MSH4: variants seen among roughly 807,000 people sequenced by gnomAD.
MSH4 encodes mutS homolog 4, also known as mutS protein homolog 4.
MSH4 carries 106 observed loss-of-function variants against 113.7 expected under a neutral mutation model. That is an observed-to-expected ratio of 0.93 (90% CI 0.80 to 1.10). MSH4 has a LOEUF of 1.10. Ranked by LOEUF, MSH4 falls within the 50% of genes least tolerant of loss-of-function variation. The pLI, the probability that MSH4 is intolerant of heterozygous loss-of-function variation, is 0.00. For synonymous variants in MSH4, 368 were observed against 380.2 expected (o/e 0.97, Z 0.37); for missense variants, 1,061 against 1,093.7 (o/e 0.97, Z 0.42).
intron 13 of MSH4, among the ~76,000 whole-genome samples, chr1:75,880,976 A>G (rs1651919471): frequency 2.0e-5 from 3 of 151,980 alleles, no homozygotes; most frequent in South Asian, 4.1e-4. Flanking sequence ...TTATTTTATT[A>G]ATATCATATA....
chr1:75,836,474 T>G (rs1161109709), intron 7 of MSH4, among the ~76,000 whole-genome samples: 1 of 151,990 alleles, frequency 6.6e-6, no homozygotes, highest in South Asian at 2.1e-4. Context: ...AATTTTTATG[T>G]TTTTGGTAGA....
intron 7 of MSH4, among the ~76,000 whole-genome samples, chr1:75,841,964 T>C (rs1650968570): frequency 6.6e-6 from 1 of 152,196 alleles, no homozygotes; most frequent in South Asian, 2.1e-4. Context: ...GAGCCAAATA[T>C]GAGTGACCAT....
rs1233642197 is a variant in MSH4 at position 75,840,538 on chromosome 1, G to A, written c.1163-7671G>A. ...TTGTTGTGGGGTGGGGGAGGGGGGAGGGATAGCTTTAGGAGATATACCTAA... is the reference window on the plus strand; with the variant it reads ...TTGTTGTGGGGTGGGGGAGGGGGGAAGGATAGCTTTAGGAGATATACCTAA... On this transcript the variant is annotated intron_variant, in intron 7 of 19. Coordinates refer to ENST00000263187, the MANE Select transcript of MSH4 (RefSeq NM_002440.4). Among the ~76,000 whole-genome samples, 20 of 112,850 alleles carry A rather than the reference G, an allele frequency of 1.8e-4. No homozygotes were observed. The Admixed American group carries it at 2.1e-3, about 12-fold the overall frequency. 74.0% of individuals were successfully genotyped at this position (112,850 alleles called of 152,430 possible).
chr1:75,895,171 A>G (rs760782403), intron 17 of MSH4, among the ~76,000 whole-genome samples: 2 of 152,042 alleles, frequency 1.3e-5, no homozygotes, highest in African/African-American at 2.4e-5. Flanking sequence ...ATGCCTCTGA[A>G]TCAACAGGCA....
chr1:75,899,987 G>A (rs1036893238), intron 19 of MSH4, among the ~76,000 whole-genome samples: 12 of 151,540 alleles, frequency 7.9e-5, no homozygotes, highest in Admixed American at 5.9e-4. Flanking sequence ...TTTATGATGA[G>A]GAAATAAATC....
Position 75,898,087 on chromosome 1 carries a change from G to A in MSH4, c.2530+6G>A. 1 of 1,541,830 alleles carries A rather than the reference G, an allele frequency of 6.5e-7. No individual in the cohort carries two copies. The highest frequency in any genetic ancestry group is 2.3e-5 in the East Asian group (1 of 43,332). ...CACAGAAGAGAAAAATTATGGTACT[G>A]CATATAGAAATTATACCTATACATT... is the stretch of plus-strand genomic sequence containing the variant. On this transcript the variant is annotated splice_donor_region_variant and intron_variant, in intron 18 of 19. Coordinates refer to ENST00000263187, the MANE Select transcript of MSH4 (RefSeq NM_002440.4).
rs1336841208 is a variant in MSH4 at position 75,879,107 on chromosome 1, A to G, written c.1656A>G (p.Gln552=). 3 of 1,611,174 alleles carry G rather than the reference A, an allele frequency of 1.9e-6. No homozygotes were observed. The highest frequency in any genetic ancestry group is 1.7e-5 in the Admixed American group (1 of 59,790). ...TTDCIALPSD[Q]LPSEFIKISK... The stretch of plus-strand genomic sequence containing the variant: ...ATTGTATAGCCCTACCTAGTGATCA[A>G]CTTCCTTCAGAATTTATTAAGGTTC... Residue 552 remains glutamine, a synonymous_variant, in exon 12 of 20, where the codon CAA becomes CAG. Coordinates refer to ENST00000263187, the MANE Select transcript of MSH4 (RefSeq NM_002440.4).
intron 9 of MSH4, among the ~76,000 whole-genome samples, chr1:75,876,023 A>G (rs1217010837): frequency 3.9e-5 from 6 of 152,156 alleles, no homozygotes; most frequent in Non-Finnish European, 7.4e-5. Flanking sequence ...ACCTCAGGCT[A>G]TGTGTATAAG....
intron 1 of MSH4, among the ~76,000 whole-genome samples, chr1:75,802,245 G>A (rs1431744536): frequency 6.6e-6 from 1 of 152,186 alleles, no homozygotes; most frequent in East Asian, 1.9e-4. Context: ...TATATACGAA[G>A]GCTTGAGAGT....
intron 7 of MSH4, among the ~76,000 whole-genome samples, chr1:75,824,110 T>C (rs548388515): frequency 3.9e-5 from 6 of 152,326 alleles, no homozygotes; most frequent in Admixed American, 3.9e-4. Flanking sequence ...AAAGTGTTCC[T>C]ATTTCTCCAC....
intron 1 of MSH4, among the ~76,000 whole-genome samples, chr1:75,801,839 C>T (rs866900522): frequency 5.3e-5 from 8 of 151,996 alleles, no homozygotes; most frequent in Non-Finnish European, 7.4e-5. Flanking sequence ...TACTGCACTC[C>T]AGTCTGGGCG....
chr1:75,848,145 A>G, intron 7 of MSH4, 64 bp from the exon 8 acceptor site: 2 of 1,029,356 alleles, frequency 1.9e-6, no homozygotes, highest in South Asian at 2.9e-5. Context: ...ATAATATTTT[A>G]CATAGTCAAT....
intron 16 of MSH4, 149 bp downstream of exon 16, chr1:75,889,518 A>G: frequency 2.4e-6 from 1 of 410,748 alleles, no homozygotes; most frequent in Non-Finnish European, 4.5e-6. Context: ...CAGCCTCCTA[A>G]TTTCTGTTTT....
intron 8 of MSH4, among the ~76,000 whole-genome samples, chr1:75,851,129 A>G (rs1384681434): frequency 6.6e-6 from 1 of 152,138 alleles, no homozygotes; most frequent in Non-Finnish European, 1.5e-5. Context: ...CTTTTTGCAT[A>G]CAATCAGAGA....
At chr1:75,849,784 G>C (rs1164432362) in intron 8 of MSH4, among the ~76,000 whole-genome samples, 1 of 152,008 alleles carries the variant, frequency 6.6e-6, no homozygotes, top group East Asian at 1.9e-4. Context: ...TTACATATTT[G>C]GTAGAATTTA....
chr1:75,882,846 T>A (rs959522627), intron 14 of MSH4, among the ~76,000 whole-genome samples: 1 of 151,884 alleles, frequency 6.6e-6, no homozygotes, highest in African/African-American at 2.4e-5. Context: ...CTGTCTCTAA[T>A]AAATACATAA....
intron 8 of MSH4, among the ~76,000 whole-genome samples, chr1:75,849,694 C>G (rs1473243092): frequency 2.0e-5 from 3 of 152,100 alleles, no homozygotes; most frequent in Non-Finnish European, 4.4e-5. Flanking sequence ...AATTAGCAGC[C>G]CTCATAAAAT....
chr1:75,906,966 T>A (rs1335316530), intron 19 of MSH4, among the ~76,000 whole-genome samples: 1 of 151,986 alleles, frequency 6.6e-6, no homozygotes, highest in Non-Finnish European at 1.5e-5. Context: ...CCTGAGTAGC[T>A]GGGACTACAG....
At chr1:75,901,271 T>A (rs1384145563) in intron 19 of MSH4, among the ~76,000 whole-genome samples, 12 of 152,152 alleles carry the variant, frequency 7.9e-5, no homozygotes, top group African/African-American at 1.4e-4. Flanking sequence ...AATCTAACTG[T>A]ATTTTTGTAC....
Sources: allele counts gnomAD v4.1 joint callset (sites outside exome capture counted in the v4.1 genomes callset), GRCh38; gene constraint gnomAD v4.1.1; transcripts MANE v1.5; gene names NCBI Gene and HGNC (gene_info 2026-07-23, HGNC 2026-07-21).